The following SGCZ variants were observed in gnomAD, a reference collection of about 807,000 sequenced individuals.
SGCZ encodes the protein sarcoglycan zeta.
Under a neutral mutation model 41.3 loss-of-function variants are expected in SGCZ, and 40 were observed. The ratio of observed to expected loss-of-function variants is 0.97; its 90% CI spans 0.75 to 1.26. The LOEUF is 1.26. Ranked by LOEUF, SGCZ falls within the 50% of genes most tolerant of loss-of-function variation. The probability of loss-of-function intolerance (pLI) is 0.00; values close to 1 mark genes in which losing one functional copy is unlikely to be tolerated. For missense variants in SGCZ, 552 were observed against 369.8 expected (o/e 1.49, Z -4.04); for synonymous variants, 206 against 137.5 (o/e 1.50, Z -3.49).
chr8:14,542,336 CCCA>C (rs1159705823), intron 2 of SGCZ, among the ~76,000 whole-genome samples: 1 of 151,910 alleles, frequency 6.6e-6, no homozygotes, highest in Non-Finnish European at 1.5e-5. Flanking sequence ...TCATTTCATC[CCCA>C]CCAGGAGAAA....
intron 1 of SGCZ, among the ~76,000 whole-genome samples, chr8:14,987,144 C>T (rs1440831156): frequency 2.0e-5 from 3 of 151,802 alleles, no homozygotes; most frequent in Non-Finnish European, 4.4e-5. Flanking sequence ...AAACTGTTTA[C>T]CACAGTGATT....
rs1292714390 is a variant in SGCZ at position 14,596,042 on chromosome 8, G to A, written c.40-41116C>T. On this transcript the variant is annotated intron_variant, in intron 1 of 7. Transcript: ENST00000382080. ...ATCAGTTTACACGGTTAAATAATGA[G>A]AGGAATAAAACCTGCCACCGTCAGA... Among the ~76,000 whole-genome samples, 3 of 152,186 alleles carry A rather than the reference G, an allele frequency of 2.0e-5. No homozygotes were observed. In the East Asian group the frequency reaches 5.8e-4, roughly 29 times the overall value.
At chr8:14,963,194 T>C (rs951537581) in intron 1 of SGCZ, among the ~76,000 whole-genome samples, 5 of 152,104 alleles carry the variant, frequency 3.3e-5, no homozygotes, top group Non-Finnish European at 7.4e-5. Flanking sequence ...TCGAACACCA[T>C]ATATGGCATA....
chr8:14,967,256 G>A (rs1585420608), intron 1 of SGCZ, among the ~76,000 whole-genome samples: 2 of 152,242 alleles, frequency 1.3e-5, no homozygotes, highest in African/African-American at 4.8e-5. Flanking sequence ...GACCTGGAAA[G>A]TCTAATAAAC....
intron 2 of SGCZ, among the ~76,000 whole-genome samples, chr8:14,532,419 C>A (rs1271632592): frequency 6.6e-6 from 1 of 151,892 alleles, no homozygotes; most frequent in East Asian, 1.9e-4. Flanking sequence ...CTCCCTGTGT[C>A]CTCAATGATT....
At chr8:14,215,985 G>A (rs180687561) in intron 4 of SGCZ, among the ~76,000 whole-genome samples, 3 of 152,334 alleles carry the variant, frequency 2.0e-5, no homozygotes, top group African/African-American at 4.8e-5. Flanking sequence ...CCTGAGGAGG[G>A]TGCTGTAAAA....
chr8:14,863,568 C>T (rs1803826487), intron 1 of SGCZ, among the ~76,000 whole-genome samples: 1 of 152,136 alleles, frequency 6.6e-6, no homozygotes, highest in South Asian at 2.1e-4. Context: ...TGAACACTGA[C>T]AGTCCTATCA....
intron 1 of SGCZ, among the ~76,000 whole-genome samples, chr8:14,846,701 TCCAAA>T (rs1311564495): frequency 1.5e-3 from 153 of 102,042 alleles, no homozygotes; most frequent in African/African-American, 4.1e-3. Flanking sequence ...ACCCTTTAAA[TCCAAA>T]AAAAAAAAAA....
chr8:14,282,328 T>C, intron 3 of SGCZ, among the ~76,000 whole-genome samples: 1 of 141,650 alleles, frequency 7.1e-6, no homozygotes, highest in East Asian at 2.1e-4. Context: ...CATTACCATT[T>C]GTCTGTCTGC....
intron 2 of SGCZ, among the ~76,000 whole-genome samples, chr8:14,523,967 T>A (rs1474772717): frequency 6.6e-6 from 1 of 152,090 alleles, no homozygotes; most frequent in East Asian, 1.9e-4. Context: ...TCTTCTATCT[T>A]TGAGTTTACT....
At position 15,001,728 on chromosome 8, in the gene SGCZ, CAAAAAAAAA is replaced by C. The variant is rs1223307583; in HGVS notation, c.39+235848_39+235856del. 6.2e-5 allele frequency among the ~76,000 whole-genome samples: 5 copies of C among 81,044 alleles called. No individual in the cohort carries two copies. In the South Asian group the frequency reaches 1.4e-3, roughly 22 times the overall value. The allele number at this position is 81,044 out of a possible 152,430, so 53.2% of individuals were successfully genotyped here. ...TGGGCAAAAGAGCAAGACTCCGTCT[CAAAAAAAAA>C]AAAAAAAAAAAAAAGAGAAAAAAGG... On this transcript the variant is annotated intron_variant, in intron 1 of 7. Transcript: ENST00000382080.
intron 1 of SGCZ, among the ~76,000 whole-genome samples, chr8:14,613,153 G>A (rs1805985071): frequency 6.6e-6 from 1 of 152,198 alleles, no homozygotes; most frequent in Non-Finnish European, 1.5e-5. Flanking sequence ...TGCATGCTGA[G>A]TGGGGGCCCT....
chr8:14,936,166 G>C (rs550522097), intron 1 of SGCZ, among the ~76,000 whole-genome samples: 31 of 151,940 alleles, frequency 2.0e-4, no homozygotes, highest in African/African-American at 7.0e-4. Flanking sequence ...AGGCGGAAAG[G>C]TATCCAATAA....
chr8:15,228,092 T>A (rs1801833219), intron 1 of SGCZ, among the ~76,000 whole-genome samples: 1 of 152,224 alleles, frequency 6.6e-6, no homozygotes, highest in African/African-American at 2.4e-5. Context: ...CATTTTAAAG[T>A]CAGTTGTGTT....
chr8:14,357,334 C>T (rs142938012), intron 2 of SGCZ, among the ~76,000 whole-genome samples: 4 of 152,210 alleles, frequency 2.6e-5, no homozygotes, highest in African/African-American at 7.2e-5. Context: ...ACACTGAAAT[C>T]TCATTTATAT....
At chr8:14,915,366 AGGAGTCCTC>A (rs1427973162) in intron 1 of SGCZ, among the ~76,000 whole-genome samples, 1 of 152,178 alleles carries the variant, frequency 6.6e-6, no homozygotes, top group Non-Finnish European at 1.5e-5. Flanking sequence ...GTAAGGGACT[AGGAGTCCTC>A]GGTAAGACTT....
chr8:14,882,083 A>C (rs539251842), intron 1 of SGCZ, among the ~76,000 whole-genome samples: 39 of 152,380 alleles, frequency 2.6e-4, no homozygotes, highest in African/African-American at 8.4e-4. Flanking sequence ...CAGTGTTAAG[A>C]GGGAAATTTA....
chr8:14,882,859 C>T (rs773475773), intron 1 of SGCZ, among the ~76,000 whole-genome samples: 47 of 152,016 alleles, frequency 3.1e-4, no homozygotes, highest in Non-Finnish European at 5.6e-4. Flanking sequence ...CCAAATGTGA[C>T]TTTGTTATGT....
chr8:14,837,210 C>A (rs1217200419), intron 1 of SGCZ, among the ~76,000 whole-genome samples: 1 of 152,092 alleles, frequency 6.6e-6, no homozygotes, highest in Non-Finnish European at 1.5e-5. Context: ...CCAGTCAAGG[C>A]TGGGTGCTTT....
Sources: allele counts gnomAD v4.1 joint callset (sites outside exome capture counted in the v4.1 genomes callset), GRCh38; gene constraint gnomAD v4.1.1; transcripts MANE v1.5; gene names NCBI Gene and HGNC (gene_info 2026-07-23, HGNC 2026-07-21).